PRRC2B: variants seen among roughly 807,000 people sequenced by gnomAD.
PRRC2B encodes the protein proline rich coiled-coil 2B.
A neutral mutation model predicts 242.3 loss-of-function variants in PRRC2B; 68 were observed. The ratio of observed to expected loss-of-function variants is 0.28; its 90% CI spans 0.23 to 0.34. The LOEUF (loss-of-function observed/expected upper bound fraction) is 0.34, where lower values mean the gene tolerates loss of function less well. PRRC2B is among the 10% of genes least tolerant of loss of function. The pLI, the probability that PRRC2B is intolerant of heterozygous loss-of-function variation, is 1.00. For synonymous variants in PRRC2B, 1,228 were observed against 1,173.6 expected (o/e 1.05, Z -0.95); for missense variants, 2,835 against 2,954.8 (o/e 0.96, Z 0.94).
intron 23 of PRRC2B, 122 bp downstream of exon 23, chr9:131,483,567 C>A: frequency 2.4e-6 from 2 of 828,672 alleles, no homozygotes; most frequent in Non-Finnish European, 4.1e-6. Context: ...TTGCTAGCAG[C>A]TCCATGTCCT....
In PRRC2B at chr9:131,479,360, C is replaced by T; in HGVS notation, c.4867C>T (p.Leu1623=). ...QGDVTVPGSS[L]GTEIWESSSQ... is the part of the protein sequence containing the mutation. ...TGACGTGACCGTGCCTGGCAGCAGCCTGGGCACTGAGATCTGGGAGAGCAG... is the reference window on the plus strand; with the variant it reads ...TGACGTGACCGTGCCTGGCAGCAGCTTGGGCACTGAGATCTGGGAGAGCAG... The change falls in exon 19 of 32, where the codon CTG becomes TTG. Residue 1623 remains leucine, a synonymous_variant. Transcript: ENST00000683519. 2 of 1,613,868 alleles carry T rather than the reference C, an allele frequency of 1.2e-6. No homozygotes were observed. Among genetic ancestry groups the T allele is most frequent in the East Asian group, 2.2e-5 (1 of 44,880 alleles).
chr9:131,474,511 C>A lies in PRRC2B; in HGVS notation c.2382C>A (p.Arg794=), dbSNP rs144013773. 1.9e-6 allele frequency: 3 copies of A among 1,613,974 alleles called. No homozygotes were observed. Among genetic ancestry groups the A allele is most frequent in the South Asian group, 1.1e-5 (1 of 91,074 alleles). Reference sequence around the variant, plus strand: ...GGGCAGGGGGCGTAAGTGCTCAGCGCGATCTCTTTGAGGAGAGAGGGGAGG... The same window carrying A: ...GGGCAGGGGGCGTAAGTGCTCAGCGAGATCTCTTTGAGGAGAGAGGGGAGG... ...LGRAGGVSAQ[R]DLFEERGEEY... is the part of the protein sequence containing the mutation. Residue 794 remains arginine, a synonymous_variant, in exon 16 of 32, where the codon CGC becomes CGA. Coordinates refer to ENST00000683519, the MANE Select transcript of PRRC2B (RefSeq NM_013318.4).
intron 1 of PRRC2B, among the ~76,000 whole-genome samples, chr9:131,406,552 C>T (rs571927944): frequency 3.3e-5 from 5 of 152,282 alleles, no homozygotes; most frequent in African/African-American, 1.2e-4. Flanking sequence ...CCACTTAGAC[C>T]TACCTGCTAT....
chr9:131,459,586 G>A (rs1440156524), intron 11 of PRRC2B, among the ~76,000 whole-genome samples: 1 of 152,044 alleles, frequency 6.6e-6, no homozygotes, highest in East Asian at 1.9e-4. Context: ...ATGCCCGGCT[G>A]TTCTTACTTT....
At chr9:131,375,211 A>G (rs916524959) in intron 1 of PRRC2B, among the ~76,000 whole-genome samples, 1 of 152,020 alleles carries the variant, frequency 6.6e-6, no homozygotes, top group Non-Finnish European at 1.5e-5. Context: ...GATCAGCCTG[A>G]CCAACATAGT....
At chr9:131,445,357 C>A (rs2131386432) in intron 6 of PRRC2B, among the ~76,000 whole-genome samples, 1 of 152,240 alleles carries the variant, frequency 6.6e-6, no homozygotes, top group African/African-American at 2.4e-5. Context: ...GCGGGTTTCT[C>A]CATGTTGGTC....
chr9:131,395,759 GGC>G (rs1340785680), intron 1 of PRRC2B, among the ~76,000 whole-genome samples: 2 of 152,172 alleles, frequency 1.3e-5, no homozygotes, highest in Non-Finnish European at 2.9e-5. Flanking sequence ...AACATTAGTG[GGC>G]GCTTATACAG....
intron 1 of PRRC2B, among the ~76,000 whole-genome samples, chr9:131,428,898 A>T (rs1280649793): frequency 2.0e-5 from 3 of 152,218 alleles, no homozygotes; most frequent in Non-Finnish European, 4.4e-5. Flanking sequence ...AAAAGCAGTG[A>T]AGCTCTTAGT....
chr9:131,485,698 C>T (rs779520967), intron 25 of PRRC2B: 1 of 550,918 alleles, frequency 1.8e-6, no homozygotes, highest in Non-Finnish European at 3.6e-6. Flanking sequence ...ATCCTTCTGA[C>T]CCTCCACTGT....
intron 1 of PRRC2B, among the ~76,000 whole-genome samples, chr9:131,397,382 G>C (rs916153300): frequency 1.3e-5 from 2 of 152,136 alleles, no homozygotes; most frequent in Non-Finnish European, 2.9e-5. Context: ...AGGAAACCTC[G>C]GGAGAGTGGA....
chr9:131,490,559 A>G (rs769032741), intron 28 of PRRC2B: 3 of 519,172 alleles, frequency 5.8e-6, no homozygotes, highest in Non-Finnish European at 1.2e-5. Flanking sequence ...TGAAGAGGAC[A>G]GTGACTGAGA....
intron 23 of PRRC2B, among the ~76,000 whole-genome samples, chr9:131,484,017 T>G (rs1943945435): frequency 6.6e-6 from 1 of 152,192 alleles, no homozygotes; most frequent in Non-Finnish European, 1.5e-5. Flanking sequence ...TCCCAGAGGA[T>G]TCCAAGGAAT....
intron 11 of PRRC2B, among the ~76,000 whole-genome samples, chr9:131,462,836 T>TTAAAAAA (rs1554763506): frequency 1.2e-5 from 1 of 81,940 alleles, no homozygotes; most frequent in Admixed American, 1.6e-4. Context: ...AGACTCCGTC[T>TTAAAAAA]AAAAAAAAAA....
At chr9:131,433,532 T>C (rs1028170861) in intron 3 of PRRC2B, among the ~76,000 whole-genome samples, 2 of 152,234 alleles carry the variant, frequency 1.3e-5, no homozygotes, top group Admixed American at 6.5e-5. Context: ...TCTGAGTGTT[T>C]AGCCAGTGCT....
intron 1 of PRRC2B, among the ~76,000 whole-genome samples, chr9:131,403,846 ATATT>A (rs915800673): frequency 6.1e-4 from 93 of 152,150 alleles, no homozygotes; most frequent in African/African-American, 2.1e-3. Flanking sequence ...GGGATATACT[ATATT>A]GTATTGCAAC....
chr9:131,451,819 T>A (rs1241961849), intron 9 of PRRC2B, among the ~76,000 whole-genome samples: 2 of 152,184 alleles, frequency 1.3e-5, no homozygotes. Context: ...ATTTCCTACA[T>A]CTGTGTTCAT....
chr9:131,431,549 G>A (rs1355658157), intron 2 of PRRC2B, among the ~76,000 whole-genome samples: 1 of 151,908 alleles, frequency 6.6e-6, no homozygotes, highest in Non-Finnish European at 1.5e-5. Flanking sequence ...ACAGGCATGA[G>A]CCACTGCGCC....
chr9:131,482,732 A>G lies in PRRC2B; in HGVS notation c.5198A>G (p.Gln1733Arg). The G allele has an allele frequency of 6.2e-7, 1 of 1,600,938 alleles. No individual in the cohort carries two copies. Among genetic ancestry groups the G allele is most frequent in the Non-Finnish European group, 8.5e-7 (1 of 1,174,468 alleles). The change falls in exon 22 of 32, where the codon CAG becomes CGG. Residue 1733 changes from glutamine (Q) to arginine (R), a missense_variant. By Grantham distance (43) the Gln-to-Arg change is conservative. Transcript: ENST00000683519. The surrounding 1 kb of genome is among the most constrained non-coding windows in gnomAD (Gnocchi z 5.2). ...AAGGATTCAGAACAAGGCTCTGGAC[A>G]GAGCAAGGAGCACAGACCAGGACCC... The part of the protein sequence containing the change: ...EQKDSEQGSG[Q>R]SKEHRPGPIG...
rs1241137798 is a variant in PRRC2B, at chr9:131,500,116, CCTT to C, written c.*4243_*4245del. The C allele has an allele frequency of 6.6e-6, 1 of 152,176 alleles. No homozygotes were observed. The highest frequency in any genetic ancestry group is 2.4e-5 in the African/African-American group (1 of 41,422). The allele number at this position is 152,176 out of a possible 1,614,324, so 9.4% of individuals were successfully genotyped here. A position where few individuals can be genotyped will look rare whatever the true frequency, so the allele number is the denominator to read the frequency against. The stretch of plus-strand genomic sequence containing the variant: ...CTCCGGTTCAGTACCTATTGTTTCT[CCTT>C]TCAAATATGTGATTGTACTAGCTCT... On this transcript the variant is annotated 3_prime_UTR_variant, in exon 32 of 32. Coordinates refer to ENST00000683519, the MANE Select transcript of PRRC2B (RefSeq NM_013318.4).
Sources: gnomAD v4.1 joint callset for allele counts (sites outside exome capture counted in the v4.1 genomes callset) on GRCh38, gnomAD v4.1.1 for gene constraint, Gnocchi (gnomAD v3.1) non-coding constraint, MANE v1.5 for transcripts, NCBI Gene and HGNC (gene_info 2026-07-23, HGNC 2026-07-21) for gene names.